Variants in RASAL2 observed in about 807,000 individuals in gnomAD.
The protein encoded by RASAL2 is ras GTPase-activating protein nGAP.
A neutral mutation model predicts 128.9 loss-of-function variants in RASAL2; 58 were observed. The observed-to-expected ratio is 0.45, with a 90% CI of 0.36 to 0.56. The LOEUF (loss-of-function observed/expected upper bound fraction) is 0.56. Ranked by LOEUF, RASAL2 falls within the 20% of genes least tolerant of loss-of-function variation. RASAL2 has a pLI of 0.00. For missense variants in RASAL2, 1,360 were observed against 1,601.6 expected, an observed-to-expected ratio of 0.85 and a Z score of 2.57; for synonymous variants, 561 against 580.8, an observed-to-expected ratio of 0.97 and a Z score of 0.49.
chr1:178,301,836 T>C, intron 3 of RASAL2, among the ~76,000 whole-genome samples: 1 of 152,222 alleles, frequency 6.6e-6, no homozygotes, highest in East Asian at 1.9e-4. Context: ...TCAAGAATTA[T>C]TGCAGTGTTA....
chr1:178,405,499 G>T (rs987976888), intron 4 of RASAL2, among the ~76,000 whole-genome samples: 5 of 152,200 alleles, frequency 3.3e-5, no homozygotes, highest in Non-Finnish European at 7.3e-5. Flanking sequence ...GATGGATCCA[G>T]TCAGATCACG....
chr1:178,410,215 G>C (rs1674272861), intron 4 of RASAL2, among the ~76,000 whole-genome samples: 1 of 152,060 alleles, frequency 6.6e-6, no homozygotes, highest in Non-Finnish European at 1.5e-5. Flanking sequence ...CATGTGATTA[G>C]GGAGGAAATC....
chr1:178,414,599 T>G (rs1301320629), intron 4 of RASAL2, among the ~76,000 whole-genome samples: 11 of 152,182 alleles, frequency 7.2e-5, no homozygotes, highest in Admixed American at 6.5e-4. Context: ...CTACTCAGTT[T>G]TGCTGTGAAT....
At chr1:178,166,139 A>G (rs1271992847) in intron 1 of RASAL2, among the ~76,000 whole-genome samples, 1 of 152,156 alleles carries the variant, frequency 6.6e-6, no homozygotes, top group African/African-American at 2.4e-5. Flanking sequence ...CCCTTGTGCT[A>G]TAAATAAGGG....
At chr1:178,384,663 C>CAA (rs1182052304) in intron 3 of RASAL2, among the ~76,000 whole-genome samples, 1 of 98,934 alleles carries the variant, frequency 1.0e-5, no homozygotes. Context: ...GTCCATGTCT[C>CAA]AAAAAAAAAA....
intron 1 of RASAL2, among the ~76,000 whole-genome samples, chr1:178,279,391 T>C (rs955420446): frequency 1.3e-5 from 2 of 152,192 alleles, no homozygotes; most frequent in Admixed American, 1.3e-4. Context: ...TCACTATAAC[T>C]GATCTGTTTC....
chr1:178,206,533 A>C (rs1054507783), intron 1 of RASAL2, among the ~76,000 whole-genome samples: 3 of 152,216 alleles, frequency 2.0e-5, no homozygotes, highest in Non-Finnish European at 2.9e-5. Flanking sequence ...ATGGCTAATA[A>C]GGAATAGAAC....
intron 1 of RASAL2, among the ~76,000 whole-genome samples, chr1:178,187,414 G>A (rs111611880): frequency 4.2e-3 from 642 of 152,040 alleles, no homozygotes; most frequent in African/African-American, 0.015. Context: ...TTCTCTCCTT[G>A]TTAGCACATT....
chr1:178,245,424 G>GT lies in RASAL2; in HGVS notation c.203-38133dup, dbSNP rs542886877. ...CCTTCACCCACTTTTTGATGGGGTT[G>GT]TTTTTTTCTTGTAAATTTGTTTAAG... is the stretch of plus-strand genomic sequence containing the variant. On this transcript the variant is annotated intron_variant, in intron 1 of 17. Coordinates refer to ENST00000367649, the MANE Select transcript of RASAL2 (RefSeq NM_170692.4). Among the ~76,000 whole-genome samples the GT allele has an allele frequency of 2.3e-4, 35 of 152,156 alleles. 1 individual carries two copies. The South Asian group carries it at 7.1e-3, about 31-fold the overall frequency.
rs768039996 is a variant in RASAL2, at chr1:178,473,066, G to A, written c.3679-9G>A. On this transcript the variant is annotated splice_polypyrimidine_tract_variant and intron_variant, in intron 17 of 17. Coordinates refer to ENST00000367649, the MANE Select transcript of RASAL2 (RefSeq NM_170692.4). ...TAGCCTGAATAAAGCCATGATTGGT[G>A]TGTTGTAGGAAAAACGGATCGTGTC... is the stretch of plus-strand genomic sequence containing the variant. 1 of 1,614,030 alleles carries A rather than the reference G, an allele frequency of 6.2e-7. No homozygotes were observed. The highest frequency in any genetic ancestry group is 1.3e-5 in the African/African-American group (1 of 75,038).
chr1:178,452,686 C>T, intron 11 of RASAL2, 34 bp downstream of exon 11: 1 of 1,551,942 alleles, frequency 6.4e-7, no homozygotes, highest in Non-Finnish European at 8.9e-7. Flanking sequence ...TTTAAAAACA[C>T]AGTTTAAAAA....
At chr1:178,208,697 G>A (rs976845760) in intron 1 of RASAL2, among the ~76,000 whole-genome samples, 2 of 152,080 alleles carry the variant, frequency 1.3e-5, no homozygotes, top group Admixed American at 1.3e-4. Flanking sequence ...TGTGATCTTT[G>A]TTCTGCTTTT....
At chr1:178,464,880 TAGCTCTATAAATGAC>T in intron 15 of RASAL2, among the ~76,000 whole-genome samples, 1 of 146,364 alleles carries the variant, frequency 6.8e-6, no homozygotes, top group African/African-American at 2.5e-5. Context: ...AAAGAATGTA[TAGCTCTATAAATGAC>T]TGTTAAAAGG....
chr1:178,118,196 T>C (rs1365822752), intron 1 of RASAL2, among the ~76,000 whole-genome samples: 1 of 151,864 alleles, frequency 6.6e-6, no homozygotes. Flanking sequence ...ATATTTCTTT[T>C]AACTTGTTTT....
intron 3 of RASAL2, chr1:178,372,434 G>T (rs1671770983): frequency 1.2e-6 from 1 of 821,816 alleles, no homozygotes; most frequent in Non-Finnish European, 1.5e-6. Context: ...AAAAGGAGAA[G>T]AGGAATTAAG....
At chr1:178,144,683 T>C (rs1335506499) in intron 1 of RASAL2, among the ~76,000 whole-genome samples, 1 of 152,198 alleles carries the variant, frequency 6.6e-6, no homozygotes, top group Non-Finnish European at 1.5e-5. Flanking sequence ...GTGTAAACCA[T>C]TGTTTGTAAA....
At chr1:178,459,617 G>T (rs1050556881) in intron 14 of RASAL2, among the ~76,000 whole-genome samples, 2 of 152,140 alleles carry the variant, frequency 1.3e-5, no homozygotes, top group Non-Finnish European at 2.9e-5. Flanking sequence ...CCTCCAGTCT[G>T]CTATGATCAG....
At chr1:178,298,027 T>G (rs1247279183) in intron 2 of RASAL2, among the ~76,000 whole-genome samples, 1 of 152,194 alleles carries the variant, frequency 6.6e-6, no homozygotes, top group Non-Finnish European at 1.5e-5. Flanking sequence ...AGAACTATTA[T>G]CAAATAGTTA....
chr1:178,351,725 T>C (rs935417955), intron 3 of RASAL2, among the ~76,000 whole-genome samples: 1 of 134,238 alleles, frequency 7.4e-6, no homozygotes, highest in African/African-American at 3.2e-5. Flanking sequence ...CGAGACTCTA[T>C]CTCAAGGAAA....
Sources: allele counts gnomAD v4.1 joint callset (sites outside exome capture counted in the v4.1 genomes callset), GRCh38; gene constraint gnomAD v4.1.1; transcripts MANE v1.5; gene names NCBI Gene and HGNC (gene_info 2026-07-23, HGNC 2026-07-21).